HGSNAT: variants seen among roughly 807,000 people sequenced by gnomAD.
The protein encoded by HGSNAT is transmembrane protein 76.
HGSNAT carries 59 observed loss-of-function variants against 85.2 expected under a neutral mutation model. The observed-to-expected ratio is 0.69, with a 90% CI of 0.56 to 0.86. The LOEUF is 0.86. Ranked by LOEUF, HGSNAT falls within the 40% of genes least tolerant of loss-of-function variation. HGSNAT has a pLI of 0.00. For missense variants in HGSNAT, 756 were observed against 777.1 expected (o/e 0.97, Z 0.32); for synonymous variants, 321 against 304.5 (o/e 1.05, Z -0.56).
In HGSNAT at chr8:43,182,172, G is replaced by A. The variant is rs752083441; in HGVS notation, c.1040G>A (p.Gly347Asp). The A allele has an allele frequency of 2.5e-6, 4 of 1,614,012 alleles. No homozygotes were observed. Among genetic ancestry groups the A allele is most frequent in the Non-Finnish European group, 2.5e-6 (3 of 1,179,886 alleles). ...PLSWDKVRIP[G>D]VLQRLGVTYF... The stretch of plus-strand genomic sequence containing the variant: ...TCTTGGGACAAGGTGCGCATTCCTG[G>A]TGTGCTGCAGCGATTGGGAGTGACA... The change falls in exon 11 of 18, where the codon GGT becomes GAT. Residue 347 changes from glycine (G) to aspartate (D), a missense_variant. Gly to Asp is a moderately conservative substitution (Grantham distance 94). Transcript: ENST00000379644.
intron 2 of HGSNAT, among the ~76,000 whole-genome samples, chr8:43,148,072 GTC>G (rs924537558): frequency 7.9e-5 from 12 of 151,812 alleles, no homozygotes; most frequent in African/African-American, 2.7e-4. Context: ...GAGAAACCCT[GTC>G]TCTACTAAAA....
intron 17 of HGSNAT, 114 bp from the exon 18 acceptor site, chr8:43,199,274 A>C (rs1446341162): frequency 1.1e-5 from 8 of 706,442 alleles, no homozygotes; most frequent in South Asian, 6.4e-5. Flanking sequence ...AGTAGCCAAC[A>C]ATGGAAGTGC....
intron 2 of HGSNAT, among the ~76,000 whole-genome samples, chr8:43,156,249 A>G (rs1390598490): frequency 2.6e-5 from 4 of 152,234 alleles, no homozygotes; most frequent in African/African-American, 9.6e-5. Context: ...ATATGGAAAC[A>G]ACATTTTTAG....
chr8:43,175,731 A>T (rs936190251), intron 9 of HGSNAT, among the ~76,000 whole-genome samples: 20 of 150,328 alleles, frequency 1.3e-4, no homozygotes, highest in Non-Finnish European at 2.1e-4. Flanking sequence ...ACACCTGGCT[A>T]TTTTTTTGTA....
intron 5 of HGSNAT, among the ~76,000 whole-genome samples, chr8:43,164,494 G>A (rs1803368073): frequency 6.6e-6 from 1 of 151,996 alleles, no homozygotes; most frequent in African/African-American, 2.4e-5. Context: ...AGCGAGAGAC[G>A]TGCAGCCGGA....
chr8:43,174,484 CTGAT>C (rs1803742008), intron 9 of HGSNAT, among the ~76,000 whole-genome samples: 1 of 152,188 alleles, frequency 6.6e-6, no homozygotes, highest in South Asian at 2.1e-4. Context: ...AATTCTGTCT[CTGAT>C]CATTCATAGC....
chr8:43,167,619 T>C (rs1353115901), intron 5 of HGSNAT, among the ~76,000 whole-genome samples: 1 of 152,170 alleles, frequency 6.6e-6, no homozygotes, highest in Non-Finnish European at 1.5e-5. Context: ...CACAGAAAAT[T>C]TGTGAGAGTC....
At position 43,196,442 on chromosome 8, in the gene HGSNAT, T is replaced by G. The variant is rs758094747; in HGVS notation, c.1465-506T>G. 10 of 1,289,378 alleles carry G rather than the reference T, an allele frequency of 7.8e-6. No homozygotes were observed. In the South Asian group the frequency reaches 8.6e-5, roughly 11 times the overall value. 79.9% of individuals were successfully genotyped at this position (1,289,378 alleles called of 1,614,324 possible). Reference sequence around the variant, plus strand: ...TCCCTCTTCCTAGTGCTGCCCAGACTGGGTCACCAAACAGGCCTGTCTGAC... The same window carrying G: ...TCCCTCTTCCTAGTGCTGCCCAGACGGGGTCACCAAACAGGCCTGTCTGAC... On this transcript the variant is annotated intron_variant, in intron 14 of 17. Transcript: ENST00000379644.
intron 2 of HGSNAT, among the ~76,000 whole-genome samples, chr8:43,158,287 A>G (rs1396065104): frequency 2.0e-5 from 3 of 152,242 alleles, no homozygotes; most frequent in Admixed American, 6.5e-5. Context: ...TTTAGTAGAG[A>G]CAGGGTTTCA....
chr8:43,165,328 G>A (rs1803400050), intron 5 of HGSNAT, among the ~76,000 whole-genome samples: 1 of 152,036 alleles, frequency 6.6e-6, no homozygotes, highest in Non-Finnish European at 1.5e-5. Flanking sequence ...AGTATTGAGT[G>A]TATTCTGACT....
At chr8:43,167,239 C>T (rs888534816) in intron 5 of HGSNAT, among the ~76,000 whole-genome samples, 6 of 152,152 alleles carry the variant, frequency 3.9e-5, no homozygotes, top group Non-Finnish European at 5.9e-5. Context: ...GAGTTTGAGA[C>T]GATTGACTCT....
chr8:43,183,447 G>A (rs949304594), intron 11 of HGSNAT, among the ~76,000 whole-genome samples: 1 of 151,034 alleles, frequency 6.6e-6, no homozygotes, highest in Non-Finnish European at 1.5e-5. Context: ...GACTACAGGT[G>A]TGAGTCACCA....
chr8:43,141,052 C>T (rs983095316), intron 1 of HGSNAT, among the ~76,000 whole-genome samples: 11 of 152,210 alleles, frequency 7.2e-5, no homozygotes, highest in Admixed American at 3.9e-4. Context: ...GGGTCCCTTC[C>T]CTGAGGGCCT....
intron 1 of HGSNAT, among the ~76,000 whole-genome samples, chr8:43,146,297 A>G (rs182407948): frequency 6.6e-6 from 1 of 152,278 alleles, no homozygotes; most frequent in Non-Finnish European, 1.5e-5. Context: ...AAGTGATAGA[A>G]AGCAGCACTT....
chr8:43,146,854 C>A, intron 1 of HGSNAT, 94 bp from the exon 2 acceptor site: 1 of 690,374 alleles, frequency 1.4e-6, no homozygotes, highest in Non-Finnish European at 2.4e-6. Context: ...AGAAGCACTA[C>A]TGGAAGCAAC....
chr8:43,191,809 C>T (rs1171929250), intron 12 of HGSNAT, among the ~76,000 whole-genome samples: 1 of 152,124 alleles, frequency 6.6e-6, no homozygotes, highest in Non-Finnish European at 1.5e-5. Context: ...TCGGGCCTCC[C>T]ACCTTCATAG....
At position 43,142,785 on chromosome 8, in the gene HGSNAT, A is replaced by G. The variant is rs192349633; in HGVS notation, c.118+2171A>G. On this transcript the variant is annotated intron_variant, in intron 1 of 17. Transcript: ENST00000379644. ...GACTGAGCCCCTCTGCACATTCCCA[A>G]ATAGCATAGTTAGTAACAATGACAA... Among the ~76,000 whole-genome samples the G allele has an allele frequency of 3.9e-5, 6 of 152,354 alleles. No homozygotes were observed. The East Asian group carries it at 1.2e-3, about 29-fold the overall frequency.
Position 43,178,231 on chromosome 8 carries a change from C to A in HGSNAT, c.1009C>A (p.Pro337Thr). 1 of 1,527,122 alleles carries A rather than the reference C, an allele frequency of 6.5e-7. No individual in the cohort carries two copies. The allele number at this position is 1,527,122 out of a possible 1,614,324, so 94.6% of individuals were successfully genotyped here. A position where few individuals can be genotyped will look rare whatever the true frequency, so the allele number is the denominator to read the frequency against. Reference protein sequence around the residue: ...IIVNPNYCLGPLSWDKVRIPG... With the variant: ...IIVNPNYCLGTLSWDKVRIPG... ...TGTGAATCCCAATTATTGCCTTGGT[C>A]CATGTAAGTACTTTTTCCCTCTGTT... The change falls in exon 10 of 18, where the codon CCA becomes ACA. Residue 337 changes from proline to threonine, a missense_variant. Transcript: ENST00000379644.
At chr8:43,180,765 G>A (rs1243807599) in intron 10 of HGSNAT, 8 of 271,040 alleles carry the variant, frequency 3.0e-5, no homozygotes, top group African/African-American at 5.1e-5. Context: ...TGGTTGCAGC[G>A]AGCCGAGATC....
Sources: gnomAD v4.1 joint callset for allele counts (sites outside exome capture counted in the v4.1 genomes callset) on GRCh38, gnomAD v4.1.1 for gene constraint, MANE v1.5 for transcripts, NCBI Gene and HGNC (gene_info 2026-07-23, HGNC 2026-07-21) for gene names.